The following LCLAT1 variants were observed in gnomAD, a reference collection of about 807,000 sequenced individuals.
LCLAT1 encodes the protein lysocardiolipin acyltransferase 1.
A neutral mutation model predicts 30.7 loss-of-function variants in LCLAT1; 11 were observed. The observed-to-expected ratio is 0.36, with a 90% CI of 0.23 to 0.59. The LOEUF (loss-of-function observed/expected upper bound fraction) is 0.59, where lower values mean the gene tolerates loss of function less well. Among genes scored for constraint, LCLAT1 ranks in the 20% least tolerant of loss-of-function variants. LCLAT1 has a pLI of 0.77. For missense variants in LCLAT1, 402 were observed against 458.6 expected (o/e 0.88, Z 1.13); for synonymous variants, 155 against 151.3 (o/e 1.02, Z -0.18).
At chr2:30,485,747 T>A (rs1683530521) in intron 1 of LCLAT1, among the ~76,000 whole-genome samples, 1 of 152,182 alleles carries the variant, frequency 6.6e-6, no homozygotes, top group Non-Finnish European at 1.5e-5. Context: ...GATTATGCCA[T>A]TTTTAGGTGA....
At chr2:30,572,120 G>A (rs556651831) in intron 5 of LCLAT1, among the ~76,000 whole-genome samples, 1 of 152,212 alleles carries the variant, frequency 6.6e-6, no homozygotes, top group Admixed American at 6.5e-5. Context: ...CCATGGTATC[G>A]CTTTAGACCA....
At chr2:30,504,072 A>G (rs1473743164) in intron 1 of LCLAT1, among the ~76,000 whole-genome samples, 2 of 130,800 alleles carry the variant, frequency 1.5e-5, no homozygotes, top group Non-Finnish European at 3.3e-5. Context: ...TTCATGCTTA[A>G]GGGACTTACG....
At chr2:30,537,810 A>G (rs1051901231) in intron 3 of LCLAT1, among the ~76,000 whole-genome samples, 1 of 152,244 alleles carries the variant, frequency 6.6e-6, no homozygotes, top group Non-Finnish European at 1.5e-5. Context: ...AACATTCTCC[A>G]GGACAGATCG....
At chr2:30,607,973 C>A in intron 5 of LCLAT1, 1 of 176,054 alleles carries the variant, frequency 5.7e-6, no homozygotes, top group Non-Finnish European at 1.2e-5. Context: ...GAAAGAAAGT[C>A]TTTTTGTACA....
intron 5 of LCLAT1, among the ~76,000 whole-genome samples, chr2:30,618,184 T>A (rs1668083298): frequency 6.6e-6 from 1 of 152,168 alleles, no homozygotes; most frequent in Non-Finnish European, 1.5e-5. Flanking sequence ...TAGTAAGTCC[T>A]GAAATGAGCA....
intron 5 of LCLAT1, among the ~76,000 whole-genome samples, chr2:30,618,704 TAA>T (rs1303681615): frequency 1.3e-5 from 2 of 152,108 alleles, no homozygotes; most frequent in Admixed American, 6.6e-5. Context: ...TACCCAAAGC[TAA>T]AAGTTAAAAA....
chr2:30,576,865 GT>G (rs1666011758), intron 5 of LCLAT1, among the ~76,000 whole-genome samples: 1 of 151,308 alleles, frequency 6.6e-6, no homozygotes, highest in South Asian at 2.1e-4. Context: ...TTTTTTCATA[GT>G]TGATATTTGT....
intron 1 of LCLAT1, among the ~76,000 whole-genome samples, chr2:30,492,670 A>G (rs1450186606): frequency 3.9e-5 from 6 of 152,122 alleles, no homozygotes; most frequent in Non-Finnish European, 8.8e-5. Flanking sequence ...TATGTTCTTA[A>G]CCTAAAATGC....
intron 1 of LCLAT1, among the ~76,000 whole-genome samples, chr2:30,500,371 C>G (rs1322633751): frequency 6.6e-6 from 1 of 152,140 alleles, no homozygotes; most frequent in African/African-American, 2.4e-5. Context: ...ACTATATATG[C>G]TTTATCTGTG....
rs1045742583 is a variant in LCLAT1, at chr2:30,643,906, G to A, written c.*3287G>A. 2.6e-4 allele frequency: 40 copies of A among 152,582 alleles called. No individual in the cohort carries two copies. Among genetic ancestry groups the A allele is most frequent in the African/African-American group, 9.7e-4 (40 of 41,440 alleles). The allele number at this position is 152,582 out of a possible 1,614,324, so 9.5% of individuals were successfully genotyped here. The stretch of plus-strand genomic sequence containing the variant: ...TAGCAGGTAAACACTACTCTAACGT[G>A]GAGAAATGAGCTTCATGCTGAGGTA... On this transcript the variant is annotated 3_prime_UTR_variant, in exon 6 of 6. Transcript: ENST00000379509.
At chr2:30,508,645 G>C (rs1368144864) in intron 1 of LCLAT1, among the ~76,000 whole-genome samples, 1 of 152,052 alleles carries the variant, frequency 6.6e-6, no homozygotes, top group African/African-American at 2.4e-5. Flanking sequence ...TGCTGTTTTG[G>C]TTACTGTAGC....
At chr2:30,546,112 C>G (rs1304035232) in intron 3 of LCLAT1, among the ~76,000 whole-genome samples, 1 of 152,102 alleles carries the variant, frequency 6.6e-6, no homozygotes, top group African/African-American at 2.4e-5. Context: ...AGAGTGAGAT[C>G]AGAGAGAAGC....
At chr2:30,500,940 T>A (rs1485029617) in intron 1 of LCLAT1, among the ~76,000 whole-genome samples, 1 of 152,060 alleles carries the variant, frequency 6.6e-6, no homozygotes, top group Non-Finnish European at 1.5e-5. Flanking sequence ...AACTGAAACT[T>A]ACCAAATCAC....
chr2:30,501,094 GTGTA>G (rs762769066), intron 1 of LCLAT1, among the ~76,000 whole-genome samples: 10,321 of 137,068 alleles, frequency 0.075, 408 homozygotes, highest in East Asian at 0.15. Context: ...GTGTGTGTGT[GTGTA>G]TGTGTGTGTG....
chr2:30,600,783 G>A (rs1431724630), intron 5 of LCLAT1, among the ~76,000 whole-genome samples: 7 of 152,086 alleles, frequency 4.6e-5, no homozygotes, highest in Non-Finnish European at 1.0e-4. Flanking sequence ...TTCTCATGGA[G>A]TATCTTACTG....
chr2:30,554,141 G>C (rs1338454134), intron 3 of LCLAT1, among the ~76,000 whole-genome samples: 1 of 152,186 alleles, frequency 6.6e-6, no homozygotes, highest in Admixed American at 6.5e-5. Flanking sequence ...CAAAATATTA[G>C]AAAAGTTTTA....
chr2:30,455,008 C>T (rs558616015), intron 1 of LCLAT1, among the ~76,000 whole-genome samples: 1 of 152,242 alleles, frequency 6.6e-6, no homozygotes, highest in East Asian at 1.9e-4. Context: ...AAGATTGAGT[C>T]TTCTTTTGCT....
At chr2:30,595,283 G>A (rs1438540505) in intron 5 of LCLAT1, among the ~76,000 whole-genome samples, 1 of 151,852 alleles carries the variant, frequency 6.6e-6, no homozygotes, top group East Asian at 1.9e-4. Flanking sequence ...CCCATTCCAC[G>A]TCTGTCTCTT....
chr2:30,555,663 TG>T (rs1462086795), intron 3 of LCLAT1, among the ~76,000 whole-genome samples: 1 of 152,122 alleles, frequency 6.6e-6, no homozygotes, highest in Non-Finnish European at 1.5e-5. Flanking sequence ...CATGCTTTTT[TG>T]TTTGGGGGTT....
Sources: gnomAD v4.1 joint callset for allele counts (sites outside exome capture counted in the v4.1 genomes callset) on GRCh38, gnomAD v4.1.1 for gene constraint, MANE v1.5 for transcripts, NCBI Gene and HGNC (gene_info 2026-07-23, HGNC 2026-07-21) for gene names.